Variants in GRIA2 observed in about 807,000 individuals in gnomAD.
GRIA2 encodes the protein glutamate ionotropic receptor AMPA type subunit 2, also known as glutamate receptor 2.
In GRIA2, 14 loss-of-function variants were observed where a neutral mutation model predicts 97.3. The ratio of observed to expected loss-of-function variants is 0.14; its 90% CI spans 0.10 to 0.23. GRIA2 has a LOEUF of 0.23. Ranked by LOEUF, GRIA2 falls within the 10% of genes least tolerant of loss-of-function variation. GRIA2 has a pLI of 1.00. For synonymous variants in GRIA2, 412 were observed against 387.8 expected, an observed-to-expected ratio of 1.06 and a Z score of -0.73; for missense variants, 558 against 1,069.8, an observed-to-expected ratio of 0.52 and a Z score of 6.67.
intron 2 of GRIA2, among the ~76,000 whole-genome samples, chr4:157,236,438 A>G (rs1255547725): frequency 6.6e-6 from 1 of 151,498 alleles, no homozygotes; most frequent in Non-Finnish European, 1.5e-5. Context: ...ATGTGCAGAG[A>G]TTTTCCTCTT....
At chr4:157,272,504 A>T (rs1351309414) in intron 2 of GRIA2, among the ~76,000 whole-genome samples, 2 of 152,078 alleles carry the variant, frequency 1.3e-5, no homozygotes, top group Non-Finnish European at 2.9e-5. Flanking sequence ...CTCAGTGTGG[A>T]TAAATCTTTG....
chr4:157,332,760 G>C (rs1735111974), intron 6 of GRIA2, 59 bp from the exon 7 acceptor site: 4 of 1,263,450 alleles, frequency 3.2e-6, no homozygotes, highest in Non-Finnish European at 4.6e-6. Flanking sequence ...TGATTGCTGG[G>C]GTGCAGTGAG....
intron 3 of GRIA2, among the ~76,000 whole-genome samples, chr4:157,306,856 T>A (rs1027085170): frequency 6.6e-6 from 1 of 152,204 alleles, no homozygotes; most frequent in Non-Finnish European, 1.5e-5. Context: ...TGCTTCAAAG[T>A]AGGCACCTCC....
Position 157,363,750 on chromosome 4 carries a change from A to G in GRIA2, c.*319A>G. The G allele has an allele frequency of 2.5e-6, 1 of 405,584 alleles. No individual in the cohort carries two copies. Among genetic ancestry groups the G allele is most frequent in the Non-Finnish European group, 4.3e-6 (1 of 232,786 alleles). The allele number at this position is 405,584 out of a possible 1,614,324, so 25.1% of individuals were successfully genotyped here. On this transcript the variant is annotated 3_prime_UTR_variant, in exon 16 of 16. Coordinates refer to ENST00000264426, the MANE Select transcript of GRIA2 (RefSeq NM_001083619.3). Reference sequence around the variant, plus strand: ...CATCTTGAATTGTAAGGAATGATTAATTAAAACACAACATCTTTTTCTACT... The same window carrying G: ...CATCTTGAATTGTAAGGAATGATTAGTTAAAACACAACATCTTTTTCTACT...
At chr4:157,287,093 C>T (rs766948346) in intron 2 of GRIA2, among the ~76,000 whole-genome samples, 1 of 151,490 alleles carries the variant, frequency 6.6e-6, no homozygotes, top group African/African-American at 2.4e-5. Context: ...TATTTCTTTG[C>T]TTGCTTTGAT....
chr4:157,359,311 A>C (rs564749688), intron 12 of GRIA2, among the ~76,000 whole-genome samples: 143 of 152,308 alleles, frequency 9.4e-4, no homozygotes, highest in African/African-American at 3.3e-3. Context: ...TCAAAGAAAA[A>C]AGTCCTGTTT....
chr4:157,278,657 G>T lies in GRIA2; in HGVS notation c.230-24895G>T, dbSNP rs566786561. ...AAAATTATCTTCTGCTCTGTGAGAT[G>T]CAGTCAGGAGAATGAGAGGACAAAC... is the stretch of plus-strand genomic sequence containing the variant. On this transcript the variant is annotated intron_variant, in intron 2 of 15. Transcript: ENST00000264426. 2.9e-3 allele frequency among the ~76,000 whole-genome samples: 448 copies of T among 152,026 alleles called. 1 individual carries two copies. The highest frequency in any genetic ancestry group is 0.01 in the African/African-American group (425 of 41,520).
chr4:157,323,525 CCATT>C (rs1734678272), intron 6 of GRIA2, among the ~76,000 whole-genome samples: 1 of 151,780 alleles, frequency 6.6e-6, no homozygotes, highest in Non-Finnish European at 1.5e-5. Flanking sequence ...AGGCTTCCGT[CCATT>C]CAGAGATGGT....
At chr4:157,272,939 T>C (rs1294631644) in intron 2 of GRIA2, among the ~76,000 whole-genome samples, 1 of 151,974 alleles carries the variant, frequency 6.6e-6, no homozygotes, top group Non-Finnish European at 1.5e-5. Flanking sequence ...TTTCCCCACA[T>C]CTTACCACCA....
chr4:157,344,790 C>T (rs908409121), intron 12 of GRIA2, among the ~76,000 whole-genome samples: 1 of 152,028 alleles, frequency 6.6e-6, no homozygotes, highest in African/African-American at 2.4e-5. Context: ...TTTAGCATCG[C>T]AGACATGGAT....
intron 12 of GRIA2, among the ~76,000 whole-genome samples, chr4:157,359,129 A>G (rs1213489095): frequency 2.0e-5 from 3 of 152,288 alleles, no homozygotes; most frequent in East Asian, 3.9e-4. Context: ...GAAGTATTCA[A>G]TGACTCTTTT....
chr4:157,325,426 C>T (rs1734759995), intron 6 of GRIA2, among the ~76,000 whole-genome samples: 1 of 152,046 alleles, frequency 6.6e-6, no homozygotes, highest in Non-Finnish European at 1.5e-5. Context: ...CATTTATTTA[C>T]TCAACACATA....
At chr4:157,226,030 G>C (rs778483053) in intron 2 of GRIA2, among the ~76,000 whole-genome samples, 2 of 151,860 alleles carry the variant, frequency 1.3e-5, no homozygotes. Flanking sequence ...TACAGGGTTT[G>C]AAAATTAAAA....
chr4:157,270,110 T>C (rs922690047), intron 2 of GRIA2, among the ~76,000 whole-genome samples: 5 of 152,318 alleles, frequency 3.3e-5, no homozygotes, highest in East Asian at 1.9e-4. Flanking sequence ...ATTCAAATGA[T>C]GCTCCTCAAA....
chr4:157,363,616 G>T lies in GRIA2; in HGVS notation c.*185G>T. 1 of 1,220,944 alleles carries T rather than the reference G, an allele frequency of 8.2e-7. No homozygotes were observed. The allele number at this position is 1,220,944 out of a possible 1,614,324, so 75.6% of individuals were successfully genotyped here. A position where few individuals can be genotyped will look rare whatever the true frequency, so the allele number is the denominator to read the frequency against. ...CTCTCGTGATTGATAAGAACCTTTT[G>T]AGTGCCTTACACAATGGTTTTCTTG... On this transcript the variant is annotated 3_prime_UTR_variant, in exon 16 of 16. Coordinates refer to ENST00000264426, the MANE Select transcript of GRIA2 (RefSeq NM_001083619.3).
intron 2 of GRIA2, among the ~76,000 whole-genome samples, chr4:157,247,021 A>G (rs1209786486): frequency 6.6e-6 from 1 of 152,124 alleles, no homozygotes; most frequent in Non-Finnish European, 1.5e-5. Flanking sequence ...GGAACATGGT[A>G]CTTGGCTATT....
At chr4:157,316,772 G>T (rs944922594) in intron 4 of GRIA2, among the ~76,000 whole-genome samples, 1 of 152,132 alleles carries the variant, frequency 6.6e-6, no homozygotes, top group Non-Finnish European at 1.5e-5. Flanking sequence ...TTGAATTTTT[G>T]TCTATAGCCT....
chr4:157,283,211 T>C (rs1036490566), intron 2 of GRIA2, among the ~76,000 whole-genome samples: 1 of 152,044 alleles, frequency 6.6e-6, no homozygotes, highest in Non-Finnish European at 1.5e-5. Flanking sequence ...GCTATGTTGA[T>C]TTAATTTGGC....
chr4:157,278,898 C>T (rs1350105700), intron 2 of GRIA2, among the ~76,000 whole-genome samples: 2 of 151,960 alleles, frequency 1.3e-5, no homozygotes, highest in Admixed American at 6.6e-5. Flanking sequence ...CATATTTCCA[C>T]AATAAGATAC....
Sources: allele counts gnomAD v4.1 joint callset (sites outside exome capture counted in the v4.1 genomes callset), GRCh38; gene constraint gnomAD v4.1.1; transcripts MANE v1.5; gene names NCBI Gene and HGNC (gene_info 2026-07-23, HGNC 2026-07-21).